MRPL17: variants seen among roughly 807,000 people sequenced by gnomAD.
MRPL17 encodes mitochondrial ribosomal protein L17, also known as large ribosomal subunit protein bL17m.
MRPL17 carries 8 observed loss-of-function variants against 12.0 expected under a neutral mutation model. That is an observed-to-expected ratio of 0.67 (90% CI 0.39 to 1.21). The LOEUF (loss-of-function observed/expected upper bound fraction) is 1.21. Ranked by LOEUF, MRPL17 falls within the 50% of genes most tolerant of loss-of-function variation. MRPL17 has a pLI of 0.01. For missense variants in MRPL17, 263 were observed against 234.4 expected, an observed-to-expected ratio of 1.12 and a Z score of -0.80; for synonymous variants, 107 against 92.9, an observed-to-expected ratio of 1.15 and a Z score of -0.87.
chr11:6,682,348 G>C lies in MRPL17; in HGVS notation c.298C>G (p.Gln100Glu). The C allele has an allele frequency of 3.1e-6, 5 of 1,614,184 alleles. No individual in the cohort carries two copies. Among genetic ancestry groups the C allele is most frequent in the Non-Finnish European group, 4.2e-6 (5 of 1,180,038 alleles). The stretch of plus-strand genomic sequence containing the variant: ...AGCATTCTTGTGTAGCCCCCAGTTT[G>C]ATCTTTGTACCGAGGGGCCAGTACT... ...FQVLAPRYKD[Q>E]TGGYTRMLQI... Residue 100 changes from glutamine to glutamate, a missense_variant, in exon 3 of 3, where the codon CAA becomes GAA. Transcript: ENST00000288937.
At chr11:6,683,040 G>A (rs1846585351) in intron 1 of MRPL17, 83 bp downstream of exon 1, 1 of 1,514,466 alleles carries the variant, frequency 6.6e-7, no homozygotes, top group Admixed American at 2.0e-5. Flanking sequence ...TTACCAGGTT[G>A]GTCCCGGTCC....
chr11:6,682,080 T>C lies in MRPL17; in HGVS notation c.*38A>G, dbSNP rs772225682. The C allele has an allele frequency of 1.3e-6, 2 of 1,575,192 alleles. No individual in the cohort carries two copies. Among genetic ancestry groups the C allele is most frequent in the South Asian group, 1.2e-5 (1 of 86,886 alleles). ...AAAGTGCTCCAAAGGCCTGTGATCA[T>C]GGGTACTGATTAAGGGCTGCAGACT... On this transcript the variant is annotated 3_prime_UTR_variant, in exon 3 of 3. Coordinates refer to ENST00000288937, the MANE Select transcript of MRPL17 (RefSeq NM_022061.4).
chr11:6,680,595 A>C lies in MRPL17; in HGVS notation c.*1523T>G, dbSNP rs1846554132. ...TGTAGGGAACTGTTGGAAGTCCCAA[A>C]GGGAGATATATTTCTGGGGTCTAAG... On this transcript the variant is annotated 3_prime_UTR_variant, in exon 3 of 3. Transcript: ENST00000288937. Among the ~76,000 whole-genome samples the C allele has an allele frequency of 6.6e-6, 1 of 152,206 alleles. No individual in the cohort carries two copies. Among genetic ancestry groups the C allele is most frequent in the Admixed American group, 6.5e-5 (1 of 15,278 alleles).
At chr11:6,682,682 T>C (rs1267185671) in intron 2 of MRPL17, 65 bp downstream of exon 2, 12 of 1,515,888 alleles carry the variant, frequency 7.9e-6, no homozygotes, top group Non-Finnish European at 1.0e-5. Flanking sequence ...ATAGTTCTCC[T>C]TTTTCCAACC....
intron 1 of MRPL17, 97 bp from the exon 2 acceptor site, chr11:6,682,912 C>T: frequency 7.6e-7 from 1 of 1,315,154 alleles, no homozygotes; most frequent in South Asian, 1.3e-5. Flanking sequence ...TTTCCACTAG[C>T]CAAGCATCTC....
At chr11:6,683,083 A>C in intron 1 of MRPL17, 40 bp downstream of exon 1, 1 of 1,597,354 alleles carries the variant, frequency 6.3e-7, no homozygotes, top group Admixed American at 1.7e-5. Flanking sequence ...GCCCCCTCAG[A>C]CCAGACCCGC....
At chr11:6,683,009 G>A in intron 1 of MRPL17, 114 bp downstream of exon 1, 1 of 1,433,044 alleles carries the variant, frequency 7.0e-7, no homozygotes, top group South Asian at 1.3e-5. Flanking sequence ...GGTTCTGGGG[G>A]ACTCAGACTT....
Position 6,682,500 on chromosome 11 carries a change from G to C in MRPL17, c.244-98C>G, listed in dbSNP as rs1484714833. 2.2e-6 allele frequency: 3 copies of C among 1,376,290 alleles called. No individual in the cohort carries two copies. In the Admixed American group the frequency reaches 6.0e-5, roughly 28 times the overall value. The allele number at this position is 1,376,290 out of a possible 1,614,324, so 85.3% of individuals were successfully genotyped here. A position where few individuals can be genotyped will look rare whatever the true frequency, so the allele number is the denominator to read the frequency against. ...CAAAGGTAAGGTCCATCCACACATA[G>C]AAAGACCTCCCCCTCCCCTCGCCAA... On this transcript the variant is annotated intron_variant, in intron 2 of 2. Coordinates refer to ENST00000288937, the MANE Select transcript of MRPL17 (RefSeq NM_022061.4).
In MRPL17 at chr11:6,683,169, TC is replaced by T; in HGVS notation, c.127del (p.Glu43ArgfsTer10). 6.2e-7 allele frequency: 1 copy of T among 1,614,140 alleles called. No homozygotes were observed. Among genetic ancestry groups the T allele is most frequent in the Non-Finnish European group, 8.5e-7 (1 of 1,180,042 alleles). ...LTGLVRHERIEAPWARVDEMR... is the reference protein window; with the variant it reads ...LTGLVRHERIXAPWARVDEMR... The stretch of plus-strand genomic sequence containing the variant: ...TTCGTCCACACGCGCCCATGGTGCC[TC>T]GATGCGTTCGTGCCGCACCAGCCCT... On this transcript the variant is annotated frameshift_variant, in exon 1 of 3. Transcript: ENST00000288937. LOFTEE classifies it high-confidence loss of function.
In MRPL17 at chr11:6,682,759, G is replaced by C. The variant is rs769382061; in HGVS notation, c.231C>G (p.Asp77Glu). ...DTNERAMRMA[D>E]FWLTEKDLIP... ...AGGTCGCACTCACTGTGAGCCAGAA[G>C]TCAGCCATGCGCATGGCTCGTTCGT... is the stretch of plus-strand genomic sequence containing the variant. Residue 77 changes from aspartate to glutamate, a missense_variant, in exon 2 of 3, where the codon GAC becomes GAG. Asp to Glu is a conservative substitution (Grantham distance 45). Transcript: ENST00000288937. The C allele has an allele frequency of 5.0e-6, 8 of 1,614,086 alleles. No individual in the cohort carries two copies. In the South Asian group the frequency reaches 8.8e-5, roughly 18 times the overall value.
chr11:6,682,652 G>T, intron 2 of MRPL17, 95 bp downstream of exon 2: 1 of 1,263,520 alleles, frequency 7.9e-7, no homozygotes, highest in Non-Finnish European at 1.2e-6. Context: ...CCATAAGTGA[G>T]TACCCAAGTT....
chr11:6,681,488 G>C lies in MRPL17; in HGVS notation c.*630C>G, dbSNP rs551295068. On this transcript the variant is annotated 3_prime_UTR_variant, in exon 3 of 3. Coordinates refer to ENST00000288937, the MANE Select transcript of MRPL17 (RefSeq NM_022061.4). ...TTGGCCAAACTGGTGGAACATCTGA[G>C]TTCTTGGGTCCTCTCCTCCCAGGCC... is the stretch of plus-strand genomic sequence containing the variant. 6.6e-6 allele frequency: 1 copy of C among 152,384 alleles called. No homozygotes were observed. The highest frequency in any genetic ancestry group is 2.1e-4 in the South Asian group (1 of 4,828). 9.4% of individuals were successfully genotyped at this position (152,384 alleles called of 1,614,324 possible). A position where few individuals can be genotyped will look rare whatever the true frequency, so the allele number is the denominator to read the frequency against.
chr11:6,683,174 G>A lies in MRPL17; in HGVS notation c.123C>T (p.Arg41=), dbSNP rs756955142. Residue 41 remains arginine (R), a synonymous_variant, in exon 1 of 3, where the codon CGC becomes CGT. Coordinates refer to ENST00000288937, the MANE Select transcript of MRPL17 (RefSeq NM_022061.4). ...NLLTGLVRHE[R]IEAPWARVDE... The stretch of plus-strand genomic sequence containing the variant: ...CCACACGCGCCCATGGTGCCTCGAT[G>A]CGTTCGTGCCGCACCAGCCCTGTGA... 5.1e-5 allele frequency: 82 copies of A among 1,614,056 alleles called. No homozygotes were observed. Among genetic ancestry groups the A allele is most frequent in the Non-Finnish European group, 6.6e-5 (78 of 1,180,052 alleles).
At position 6,683,125 on chromosome 11, in the gene MRPL17, T is replaced by G. The variant is rs1454230754; in HGVS notation, c.172A>C (p.Lys58Gln). 3.7e-6 allele frequency: 6 copies of G among 1,613,264 alleles called. No homozygotes were observed. The highest frequency in any genetic ancestry group is 4.2e-6 in the Non-Finnish European group (5 of 1,179,724). ...RVDEMRGYAE[K>Q]LIDYGKLGDT... ...GACAAGAGGGCCGCGCTCCTCACCT[T>G]CTCCGCGTAGCCCCTCATTTCGTCC... The change falls in exon 1 of 3, where the codon AAG becomes CAG. Residue 58 changes from lysine (K) to glutamine (Q), a missense_variant and splice_region_variant. Lys to Gln is a moderately conservative substitution (Grantham distance 53). Transcript: ENST00000288937.
rs540523818 is a variant in MRPL17, at chr11:6,682,846, G to C, written c.175-31C>G. On this transcript the variant is annotated intron_variant, in intron 1 of 2. Coordinates refer to ENST00000288937, the MANE Select transcript of MRPL17 (RefSeq NM_022061.4). ...AGGACATAACATCACGGATCCAACCGAGCAAGAAAACAAGGTGCCAATCTA... is the reference window on the plus strand; with the variant it reads ...AGGACATAACATCACGGATCCAACCCAGCAAGAAAACAAGGTGCCAATCTA... 5.0e-6 allele frequency: 8 copies of C among 1,594,520 alleles called. No individual in the cohort carries two copies. In the Middle Eastern group the frequency reaches 5.0e-4, roughly 100 times the overall value.
In MRPL17 at chr11:6,683,238, A is replaced by G; in HGVS notation, c.59T>C (p.Leu20Pro). Residue 20 changes from leucine (L) to proline (P), a missense_variant, in exon 1 of 3, where the codon CTC becomes CCC. Physicochemically the swap from Leu to Pro is moderately conservative, Grantham distance 98 (BLOSUM62 -3). Transcript: ENST00000288937. ...SHGRVFRRMG[L>P]GPESRIHLLR... ...CAGATGGATGCGGGACTCGGGACCGAGGCCCATACGGCGAAATACGCGGCC... is the reference window on the plus strand; with the variant it reads ...CAGATGGATGCGGGACTCGGGACCGGGGCCCATACGGCGAAATACGCGGCC... 1 of 1,614,090 alleles carries G rather than the reference A, an allele frequency of 6.2e-7. No individual in the cohort carries two copies. The highest frequency in any genetic ancestry group is 1.1e-5 in the South Asian group (1 of 91,088).
chr11:6,682,756 G>C lies in MRPL17; in HGVS notation c.234C>G (p.Phe78Leu), dbSNP rs747806062. The change falls in exon 2 of 3, where the codon TTC (phenylalanine) becomes TTG (leucine). Residue 78 changes from phenylalanine (F) to leucine (L), a missense_variant. Phe to Leu is a conservative substitution (Grantham distance 22). Coordinates refer to ENST00000288937, the MANE Select transcript of MRPL17 (RefSeq NM_022061.4). ...TNERAMRMAD[F>L]WLTEKDLIPK... Reference sequence around the variant, plus strand: ...GATAGGTCGCACTCACTGTGAGCCAGAAGTCAGCCATGCGCATGGCTCGTT... The same window carrying C: ...GATAGGTCGCACTCACTGTGAGCCACAAGTCAGCCATGCGCATGGCTCGTT... The C allele has an allele frequency of 8.7e-6, 14 of 1,614,050 alleles. No individual in the cohort carries two copies. The highest frequency in any genetic ancestry group is 2.2e-5 in the East Asian group (1 of 44,890).
At chr11:6,683,089 C>G (rs755595214) in intron 1 of MRPL17, 34 bp downstream of exon 1, 2 of 1,602,182 alleles carry the variant, frequency 1.2e-6, no homozygotes, top group Non-Finnish European at 1.7e-6. Flanking sequence ...TCAGACCAGA[C>G]CCGCAGAGTG....
At position 6,681,621 on chromosome 11, in the gene MRPL17, AG is replaced by A. The variant is rs1426259903; in HGVS notation, c.*496del. The A allele has an allele frequency of 6.6e-6, 1 of 152,302 alleles. No individual in the cohort carries two copies. The highest frequency in any genetic ancestry group is 1.5e-5 in the Non-Finnish European group (1 of 68,154). The allele number at this position is 152,302 out of a possible 1,614,324, so 9.4% of individuals were successfully genotyped here. ...GGTTCGCAGGGTACTAGATTGTTTA[AG>A]GAAGTTTCACTTGCAGATTGTCACT... On this transcript the variant is annotated 3_prime_UTR_variant, in exon 3 of 3. Transcript: ENST00000288937.
Sources: allele counts gnomAD v4.1 joint callset (sites outside exome capture counted in the v4.1 genomes callset), GRCh38; gene constraint gnomAD v4.1.1; transcripts MANE v1.5; gene names NCBI Gene and HGNC (gene_info 2026-07-23, HGNC 2026-07-21).